Variants in MAP3K2 observed in about 807,000 individuals in gnomAD.
MAP3K2 encodes MAP/ERK kinase kinase 2.
MAP3K2 carries 24 observed loss-of-function variants against 80.3 expected under a neutral mutation model. That is an observed-to-expected ratio of 0.30 (90% CI 0.22 to 0.42). MAP3K2 has a LOEUF of 0.42. MAP3K2 is among the 10% of genes least tolerant of loss of function. The pLI is 1.00. For missense variants in MAP3K2, 608 were observed against 750.1 expected (o/e 0.81, Z 2.21); for synonymous variants, 244 against 253.7 (o/e 0.96, Z 0.36).
intron 3 of MAP3K2, among the ~76,000 whole-genome samples, chr2:127,338,659 G>A (rs1412129640): frequency 6.6e-6 from 1 of 152,158 alleles, no homozygotes; most frequent in African/African-American, 2.4e-5. Context: ...GAAAGGACAT[G>A]ATTTTGTTAT....
Position 127,301,553 on chromosome 2 carries a change from A to T in MAP3K2, c.*6026T>A, listed in dbSNP as rs1685592458. 1 of 152,228 alleles carries T rather than the reference A, an allele frequency of 6.6e-6. No homozygotes were observed. The highest frequency in any genetic ancestry group is 2.1e-4 in the South Asian group (1 of 4,834). The allele number at this position is 152,228 out of a possible 1,614,324, so 9.4% of individuals were successfully genotyped here. A position where few individuals can be genotyped will look rare whatever the true frequency, so the allele number is the denominator to read the frequency against. ...AGTGCTAATTATTTTGGCTATGTGT[A>T]CAGGGAATATAAAAGCTTTGGTTTA... On this transcript the variant is annotated 3_prime_UTR_variant, in exon 17 of 17. Transcript: ENST00000682094.
At chr2:127,328,409 T>G (rs188012036) in intron 7 of MAP3K2, among the ~76,000 whole-genome samples, 2 of 152,354 alleles carry the variant, frequency 1.3e-5, no homozygotes, top group Admixed American at 6.5e-5. Flanking sequence ...AATGTATAAA[T>G]GTACAATAAG....
Position 127,299,588 on chromosome 2 carries a change from A to C in MAP3K2, c.*7991T>G, listed in dbSNP as rs972368146. ...CTCTGAGAATTCAAAGGCCATTTTT[A>C]GCGGTGTGTTTTTGCTACTGCTTAA... On this transcript the variant is annotated 3_prime_UTR_variant, in exon 17 of 17. Transcript: ENST00000682094. The C allele has an allele frequency of 1.3e-5, 2 of 152,140 alleles. No homozygotes were observed. The highest frequency in any genetic ancestry group is 2.9e-5 in the Non-Finnish European group (2 of 67,992). 9.4% of individuals were successfully genotyped at this position (152,140 alleles called of 1,614,324 possible).
intron 1 of MAP3K2, among the ~76,000 whole-genome samples, chr2:127,366,351 CAG>C (rs1686971078): frequency 6.9e-6 from 1 of 144,196 alleles, no homozygotes; most frequent in South Asian, 2.2e-4. Flanking sequence ...AGTTTGAGTA[CAG>C]CCTGGGCAAC....
chr2:127,323,688 T>C (rs904026471), intron 11 of MAP3K2, among the ~76,000 whole-genome samples: 2 of 152,218 alleles, frequency 1.3e-5, no homozygotes, highest in Non-Finnish European at 2.9e-5. Flanking sequence ...ACCTTGTCTC[T>C]TAAAACAAAA....
chr2:127,354,563 T>A (rs1175437224), intron 1 of MAP3K2, among the ~76,000 whole-genome samples: 1 of 152,100 alleles, frequency 6.6e-6, no homozygotes, highest in African/African-American at 2.4e-5. Flanking sequence ...AGAAAAATTA[T>A]GCTAAACTAA....
At chr2:127,369,457 C>G (rs1687024938) in intron 1 of MAP3K2, among the ~76,000 whole-genome samples, 1 of 129,816 alleles carries the variant, frequency 7.7e-6, no homozygotes, top group Admixed American at 7.8e-5. Flanking sequence ...ACGGTGAAAC[C>G]CCGTCTCTAC....
chr2:127,386,675 T>TC (rs1430525308), intron 1 of MAP3K2, among the ~76,000 whole-genome samples: 4 of 152,198 alleles, frequency 2.6e-5, no homozygotes, highest in Admixed American at 1.3e-4. Flanking sequence ...TTTTAAATTT[T>TC]TTTTAAAGCC....
intron 1 of MAP3K2, among the ~76,000 whole-genome samples, chr2:127,370,884 A>G (rs1252199001): frequency 6.6e-6 from 1 of 152,160 alleles, no homozygotes; most frequent in Non-Finnish European, 1.5e-5. Flanking sequence ...CCAAAATAAC[A>G]AAGAGGAAAC....
In MAP3K2 at chr2:127,310,949, A is replaced by G. The variant is rs888579081; in HGVS notation, c.1457-2187T>C. 2.6e-5 allele frequency among the ~76,000 whole-genome samples: 4 copies of G among 152,118 alleles called. No homozygotes were observed. The highest frequency in any genetic ancestry group is 7.2e-5 in the African/African-American group (3 of 41,422). On this transcript the variant is annotated intron_variant, in intron 15 of 16. Coordinates refer to ENST00000682094, the MANE Select transcript of MAP3K2 (RefSeq NM_001371910.2). This position sits in a 1 kb window ranked among gnomAD's most constrained non-coding sequence, Gnocchi z 4.8. ...TTCCATAACCTTAACCATATTTTAT[A>G]TTACAAAGATTCATTTTCTTGGTTC...
intron 16 of MAP3K2, 35 bp downstream of exon 16, chr2:127,308,550 G>A (rs751206190): frequency 6.6e-7 from 1 of 1,521,222 alleles, no homozygotes; most frequent in African/African-American, 1.4e-5. Flanking sequence ...ATAGGCGGCA[G>A]GTGGTTTTCA....
chr2:127,331,617 G>T (rs1686257468), intron 5 of MAP3K2, among the ~76,000 whole-genome samples: 1 of 152,150 alleles, frequency 6.6e-6, no homozygotes, highest in South Asian at 2.1e-4. Context: ...TGGGGTTTTT[G>T]ATTTTTTGTT....
At chr2:127,314,905 A>G in intron 14 of MAP3K2, 22 bp from the exon 15 acceptor site, 1 of 1,556,656 alleles carries the variant, frequency 6.4e-7, no homozygotes, top group Non-Finnish European at 8.7e-7. Flanking sequence ...GAAAACAAAA[A>G]TAAAAACTAC....
chr2:127,380,038 A>T (rs1009838057), intron 1 of MAP3K2, among the ~76,000 whole-genome samples: 1 of 152,252 alleles, frequency 6.6e-6, no homozygotes, highest in African/African-American at 2.4e-5. Flanking sequence ...AGAAAAAAAG[A>T]AACAAAGGAA....
At chr2:127,362,066 A>G (rs1322551654) in intron 1 of MAP3K2, among the ~76,000 whole-genome samples, 1 of 152,214 alleles carries the variant, frequency 6.6e-6, no homozygotes, top group Non-Finnish European at 1.5e-5. Flanking sequence ...GGTATTACTC[A>G]GACAATATAT....
At chr2:127,344,589 G>C (rs1019869713) in intron 1 of MAP3K2, among the ~76,000 whole-genome samples, 2 of 151,972 alleles carry the variant, frequency 1.3e-5, no homozygotes, top group African/African-American at 4.8e-5. Flanking sequence ...AAGACTGCTT[G>C]AGCCAGGGAG....
intron 5 of MAP3K2, among the ~76,000 whole-genome samples, chr2:127,331,464 T>G (rs759389976): frequency 6.6e-6 from 1 of 152,218 alleles, no homozygotes; most frequent in Non-Finnish European, 1.5e-5. Flanking sequence ...AAGGACCCCC[T>G]ACACCAGCAA....
intron 1 of MAP3K2, among the ~76,000 whole-genome samples, chr2:127,368,436 C>T (rs2104883446): frequency 6.6e-6 from 1 of 152,240 alleles, no homozygotes; most frequent in African/African-American, 2.4e-5. Flanking sequence ...TCCTGGCCAA[C>T]ATGGTGAAAC....
chr2:127,379,466 C>G (rs1042572851), intron 1 of MAP3K2, among the ~76,000 whole-genome samples: 1 of 152,180 alleles, frequency 6.6e-6, no homozygotes, highest in Non-Finnish European at 1.5e-5. Flanking sequence ...GTCTAGATCC[C>G]AAGCTCATAA....
Sources: gnomAD v4.1 joint callset for allele counts (sites outside exome capture counted in the v4.1 genomes callset) on GRCh38, gnomAD v4.1.1 for gene constraint, Gnocchi (gnomAD v3.1) non-coding constraint, MANE v1.5 for transcripts, NCBI Gene and HGNC (gene_info 2026-07-23, HGNC 2026-07-21) for gene names.